UBE3C: variants seen among roughly 807,000 people sequenced by gnomAD.
UBE3C encodes the protein ubiquitin-protein ligase E3C.
UBE3C carries 42 observed loss-of-function variants against 129.4 expected under a neutral mutation model. The observed-to-expected ratio is 0.32, with a 90% CI of 0.25 to 0.42. The LOEUF (loss-of-function observed/expected upper bound fraction) is 0.42. Among genes scored for constraint, UBE3C ranks in the 10% least tolerant of loss-of-function variants. The probability of loss-of-function intolerance (pLI) is 1.00; values close to 1 mark genes in which losing one functional copy is unlikely to be tolerated. For synonymous variants in UBE3C, 510 were observed against 492.4 expected, an observed-to-expected ratio of 1.04 and a Z score of -0.47; for missense variants, 1,049 against 1,319.1, an observed-to-expected ratio of 0.80 and a Z score of 3.17.
intron 21 of UBE3C, among the ~76,000 whole-genome samples, chr7:157,255,564 TC>T (rs1435315008): frequency 6.6e-6 from 1 of 152,196 alleles, no homozygotes; most frequent in Non-Finnish European, 1.5e-5. Context: ...GTCTGACCTT[TC>T]CTTTGCCAAG....
chr7:157,245,181 A>G (rs1446689844), intron 18 of UBE3C, among the ~76,000 whole-genome samples: 2 of 152,196 alleles, frequency 1.3e-5, no homozygotes, highest in African/African-American at 4.8e-5. Context: ...GTACCTATGC[A>G]TTTACATTTT....
chr7:157,233,464 G>C (rs988793664), intron 18 of UBE3C, among the ~76,000 whole-genome samples: 2 of 152,032 alleles, frequency 1.3e-5, no homozygotes, highest in Non-Finnish European at 2.9e-5. Context: ...TTTTATCGTA[G>C]AGGCAGGGTC....
At chr7:157,217,570 C>T (rs1398276384) in intron 14 of UBE3C, among the ~76,000 whole-genome samples, 1 of 152,110 alleles carries the variant, frequency 6.6e-6, no homozygotes, top group Non-Finnish European at 1.5e-5. Context: ...GGCGCGGTGG[C>T]TCACGCCTGT....
At chr7:157,160,727 AAACTTTTGC>A (rs1238178046) in intron 1 of UBE3C, among the ~76,000 whole-genome samples, 5 of 152,212 alleles carry the variant, frequency 3.3e-5, no homozygotes, top group Admixed American at 2.0e-4. Context: ...GTTTCTCCTC[AAACTTTTGC>A]CCACTAATTT....
chr7:157,267,386 C>T (rs1797107782), intron 22 of UBE3C, among the ~76,000 whole-genome samples, 199 bp from the exon 23 acceptor site: 1 of 152,192 alleles, frequency 6.6e-6, no homozygotes, highest in South Asian at 2.1e-4. Context: ...GGCGCCATTG[C>T]CCTCCAGCCT....
intron 13 of UBE3C, among the ~76,000 whole-genome samples, chr7:157,216,220 C>T (rs966422300): frequency 3.3e-5 from 5 of 152,106 alleles, no homozygotes; most frequent in South Asian, 2.1e-4. Context: ...CTTTTTTCCC[C>T]TAGTGCCGTT....
intron 18 of UBE3C, among the ~76,000 whole-genome samples, chr7:157,235,059 T>A (rs1182436): frequency 6.6e-6 from 1 of 151,814 alleles, no homozygotes; most frequent in Non-Finnish European, 1.5e-5. Context: ...GGCGTGGTGG[T>A]GCATGCCTTT....
intron 10 of UBE3C, 87 bp downstream of exon 10, chr7:157,187,108 T>C: frequency 7.2e-7 from 1 of 1,382,644 alleles, no homozygotes; most frequent in Non-Finnish European, 9.7e-7. Flanking sequence ...TTAAGTTTTG[T>C]CTGCTCTTTT....
At chr7:157,246,499 G>A (rs897759507) in intron 18 of UBE3C, among the ~76,000 whole-genome samples, 6 of 152,206 alleles carry the variant, frequency 3.9e-5, no homozygotes, top group South Asian at 2.1e-4. Flanking sequence ...CTGTCTCATG[G>A]ATGAATGACT....
At chr7:157,188,522 A>G (rs148103526) in intron 10 of UBE3C, among the ~76,000 whole-genome samples, 46 of 152,310 alleles carry the variant, frequency 3.0e-4, no homozygotes, top group African/African-American at 1.1e-3. Flanking sequence ...GAACCAGGAC[A>G]CTTGCTTTTA....
intron 18 of UBE3C, among the ~76,000 whole-genome samples, chr7:157,243,111 G>A (rs369266654): frequency 2.6e-5 from 4 of 152,134 alleles, no homozygotes; most frequent in South Asian, 2.1e-4. Flanking sequence ...ATTGTGGCTC[G>A]ATCGCTGGAA....
At chr7:157,208,507 T>A (rs1809502969) in intron 13 of UBE3C, among the ~76,000 whole-genome samples, 1 of 152,240 alleles carries the variant, frequency 6.6e-6, no homozygotes. Flanking sequence ...CCTTGTTACA[T>A]GCATCTTTTC....
At chr7:157,235,898 C>T (rs937201293) in intron 18 of UBE3C, among the ~76,000 whole-genome samples, 7 of 152,202 alleles carry the variant, frequency 4.6e-5, no homozygotes, top group Non-Finnish European at 7.3e-5. Context: ...AAGTAAGTGT[C>T]ATAGTACAGC....
intron 14 of UBE3C, among the ~76,000 whole-genome samples, chr7:157,217,564 C>T (rs975022294): frequency 5.3e-5 from 8 of 152,086 alleles, no homozygotes; most frequent in Admixed American, 1.3e-4. Context: ...TGGCCAGGCG[C>T]GGTGGCTCAC....
chr7:157,178,143 C>T (rs1350608207), intron 5 of UBE3C, among the ~76,000 whole-genome samples: 1 of 152,040 alleles, frequency 6.6e-6, no homozygotes, highest in Admixed American at 6.6e-5. Context: ...TGCGGCCTGC[C>T]CGACTGCTTG....
At chr7:157,256,166 C>T (rs918967439) in intron 21 of UBE3C, among the ~76,000 whole-genome samples, 1 of 151,998 alleles carries the variant, frequency 6.6e-6, no homozygotes, top group Admixed American at 6.6e-5. Context: ...ATTTTGAGGG[C>T]GAATCTCACC....
chr7:157,224,477 A>G (rs1795820660), intron 16 of UBE3C, among the ~76,000 whole-genome samples: 1 of 152,144 alleles, frequency 6.6e-6, no homozygotes. Context: ...TACAGGCATG[A>G]GCCACCGCGC....
chr7:157,185,837 A>G (rs1808790250), intron 9 of UBE3C, among the ~76,000 whole-genome samples: 1 of 152,140 alleles, frequency 6.6e-6, no homozygotes. Context: ...TTGACAGATG[A>G]ATTTACTGCT....
At chr7:157,157,989 G>T (rs374235398) in intron 1 of UBE3C, among the ~76,000 whole-genome samples, 7,790 of 136,078 alleles carry the variant, frequency 0.057, 237 homozygotes, top group Non-Finnish European at 0.078. Context: ...TATATATATA[G>T]AGAGAGAGAG....
Sources: allele counts gnomAD v4.1 joint callset (sites outside exome capture counted in the v4.1 genomes callset), GRCh38; gene constraint gnomAD v4.1.1; transcripts MANE v1.5; gene names NCBI Gene and HGNC (gene_info 2026-07-23, HGNC 2026-07-21).